RABGAP1L: variants seen among roughly 807,000 people sequenced by gnomAD.
RABGAP1L encodes the protein RAB GTPase activating protein 1 like.
A neutral mutation model predicts 137.7 loss-of-function variants in RABGAP1L; 63 were observed. That is an observed-to-expected ratio of 0.46 (90% confidence interval 0.37 to 0.56). The LOEUF (loss-of-function observed/expected upper bound fraction) is 0.56, where lower values mean the gene tolerates loss of function less well. RABGAP1L is among the 20% of genes least tolerant of loss of function. The pLI, the probability that RABGAP1L is intolerant of heterozygous loss-of-function variation, is 0.00. For missense variants in RABGAP1L, 1,095 were observed against 1,244.0 expected (o/e 0.88, Z 1.80); for synonymous variants, 431 against 433.7 (o/e 0.99, Z 0.08).
intron 13 of RABGAP1L, among the ~76,000 whole-genome samples, chr1:174,636,856 A>G (rs1674088196): frequency 1.3e-5 from 2 of 152,226 alleles, no homozygotes. Flanking sequence ...GAACACGTGC[A>G]TAAGCCATGT....
Position 174,345,829 on chromosome 1 carries a change from A to C in RABGAP1L, c.1466-25150A>C, listed in dbSNP as rs571868869. On this transcript the variant is annotated intron_variant, in intron 11 of 25. Coordinates refer to ENST00000681986, the MANE Select transcript of RABGAP1L (RefSeq NM_001366446.1). ...CTTCCTTGTTGTGTTCCACTATCTTAGAGGAAAGACTTTCAGTTTTCACCC... is the reference window on the plus strand; with the variant it reads ...CTTCCTTGTTGTGTTCCACTATCTTCGAGGAAAGACTTTCAGTTTTCACCC... Among the ~76,000 whole-genome samples the C allele has an allele frequency of 3.3e-5, 5 of 152,300 alleles. No individual in the cohort carries two copies. In the East Asian group the frequency reaches 9.6e-4, roughly 29 times the overall value.
At chr1:174,263,902 G>C (rs931033806) in intron 7 of RABGAP1L, among the ~76,000 whole-genome samples, 1 of 151,842 alleles carries the variant, frequency 6.6e-6, no homozygotes, top group African/African-American at 2.4e-5. Flanking sequence ...ACAGGGGTCA[G>C]TATTAAGTAC....
At chr1:174,584,468 C>T (rs1668968012) in intron 13 of RABGAP1L, among the ~76,000 whole-genome samples, 1 of 152,268 alleles carries the variant, frequency 6.6e-6, no homozygotes, top group Non-Finnish European at 1.5e-5. Context: ...TGTCTCATGC[C>T]TGCAATCCTG....
chr1:174,580,780 TA>T (rs58160394), intron 13 of RABGAP1L, among the ~76,000 whole-genome samples: 5,341 of 151,302 alleles, frequency 0.035, 123 homozygotes, highest in Middle Eastern at 0.088. Flanking sequence ...TAAAGTATAG[TA>T]AAAAAAAAGA....
At chr1:174,423,241 T>C (rs1289428120) in intron 13 of RABGAP1L, among the ~76,000 whole-genome samples, 1 of 152,196 alleles carries the variant, frequency 6.6e-6, no homozygotes, top group African/African-American at 2.4e-5. Flanking sequence ...AATATTGCAC[T>C]ATCTTTTGTT....
At chr1:174,781,157 A>G (rs1416188920) in intron 18 of RABGAP1L, among the ~76,000 whole-genome samples, 2 of 152,176 alleles carry the variant, frequency 1.3e-5, no homozygotes, top group Admixed American at 1.3e-4. Flanking sequence ...TGACTTCCAC[A>G]ATGGTTGAAC....
At chr1:174,562,199 A>C (rs1667267487) in intron 13 of RABGAP1L, among the ~76,000 whole-genome samples, 1 of 152,258 alleles carries the variant, frequency 6.6e-6, no homozygotes, top group Non-Finnish European at 1.5e-5. Context: ...AAGCATATGA[A>C]CAGACACTTC....
intron 13 of RABGAP1L, among the ~76,000 whole-genome samples, chr1:174,457,281 G>A (rs1469961033): frequency 1.3e-5 from 2 of 152,064 alleles, no homozygotes. Context: ...AAAGTGTTGT[G>A]GGGAGAATAC....
chr1:174,905,122 A>G (rs1482605828), intron 19 of RABGAP1L, among the ~76,000 whole-genome samples: 4 of 152,226 alleles, frequency 2.6e-5, no homozygotes, highest in Admixed American at 2.6e-4. Flanking sequence ...GTGACCTAGT[A>G]GTAAAGATTT....
chr1:174,471,004 T>C (rs879609189), intron 13 of RABGAP1L, among the ~76,000 whole-genome samples: 22 of 151,486 alleles, frequency 1.5e-4, no homozygotes, highest in South Asian at 1.3e-3. Flanking sequence ...GGTAACTAAC[T>C]AGCATGGTGG....
At chr1:174,437,103 A>T (rs922566731) in intron 13 of RABGAP1L, among the ~76,000 whole-genome samples, 13 of 152,162 alleles carry the variant, frequency 8.5e-5, no homozygotes, top group African/African-American at 3.1e-4. Flanking sequence ...GGTAGATAAA[A>T]CCACAAAGAT....
chr1:174,204,853 C>G (rs1668393295), intron 1 of RABGAP1L, among the ~76,000 whole-genome samples: 1 of 152,170 alleles, frequency 6.6e-6, no homozygotes, highest in Non-Finnish European at 1.5e-5. Flanking sequence ...TCCTGCTCCT[C>G]CATGGTAAGA....
rs1428813163 is a variant in RABGAP1L at position 174,521,851 on chromosome 1, C to T, written c.1711-115524C>T. Among the ~76,000 whole-genome samples the T allele has an allele frequency of 3.9e-5, 6 of 152,012 alleles. No homozygotes were observed. In the East Asian group the frequency reaches 5.8e-4, roughly 15 times the overall value. On this transcript the variant is annotated intron_variant, in intron 13 of 25. Transcript: ENST00000681986. ...ATCCCAGTACTTTGGGAGGTTGAGGCGGGCGGATCAGGAGGTCAGAAGTTC... is the reference window on the plus strand; with the variant it reads ...ATCCCAGTACTTTGGGAGGTTGAGGTGGGCGGATCAGGAGGTCAGAAGTTC...
At chr1:174,732,655 A>G (rs777221392) in intron 17 of RABGAP1L, among the ~76,000 whole-genome samples, 6 of 152,222 alleles carry the variant, frequency 3.9e-5, no homozygotes, top group African/African-American at 7.2e-5. Flanking sequence ...GTACAAAGGA[A>G]GTAAAGGCAT....
At position 174,935,706 on chromosome 1, in the gene RABGAP1L, G is replaced by A. The variant is rs539304695; in HGVS notation, c.2341-21751G>A. On this transcript the variant is annotated intron_variant, in intron 19 of 25. Coordinates refer to ENST00000681986, the MANE Select transcript of RABGAP1L (RefSeq NM_001366446.1). ...TTGGTAAAGAATAAATCTTGGCCAG[G>A]CACAGTGGCTCACGCCTGTAATCCC... Among the ~76,000 whole-genome samples the A allele has an allele frequency of 3.9e-3, 589 of 152,262 alleles. 5 individuals carry two copies. The highest frequency in any genetic ancestry group is 0.014 in the African/African-American group (569 of 41,550).
At chr1:174,607,499 G>A (rs1052073929) in intron 13 of RABGAP1L, among the ~76,000 whole-genome samples, 8 of 152,082 alleles carry the variant, frequency 5.3e-5, no homozygotes, top group Non-Finnish European at 7.4e-5. Context: ...AAGCAGAGGT[G>A]TCCTCTGGGC....
intron 19 of RABGAP1L, among the ~76,000 whole-genome samples, chr1:174,873,264 T>G (rs1652491930): frequency 6.6e-6 from 1 of 152,124 alleles, no homozygotes; most frequent in East Asian, 1.9e-4. Flanking sequence ...AGAGACGGGG[T>G]TTCACCATGT....
At chr1:174,512,709 A>T (rs985725116) in intron 13 of RABGAP1L, among the ~76,000 whole-genome samples, 1 of 152,120 alleles carries the variant, frequency 6.6e-6, no homozygotes, top group African/African-American at 2.4e-5. Context: ...GGTAAATCAG[A>T]ATTTTCATTA....
At chr1:174,400,535 C>CT (rs1311304055) in intron 13 of RABGAP1L, among the ~76,000 whole-genome samples, 2 of 151,990 alleles carry the variant, frequency 1.3e-5, no homozygotes, top group Non-Finnish European at 2.9e-5. Flanking sequence ...GTTATTTATT[C>CT]TGTTTTTCTT....
Sources: allele counts gnomAD v4.1 joint callset (sites outside exome capture counted in the v4.1 genomes callset), GRCh38; gene constraint gnomAD v4.1.1; transcripts MANE v1.5; gene names NCBI Gene and HGNC (gene_info 2026-07-23, HGNC 2026-07-21).